Variants in ASIC2 observed in about 807,000 individuals in gnomAD.
ASIC2 encodes acid-sensing ion channel 2.
ASIC2 carries 25 observed loss-of-function variants against 57.3 expected under a neutral mutation model. That is an observed-to-expected ratio of 0.44 (90% CI 0.32 to 0.61). The LOEUF is 0.61. Ranked by LOEUF, ASIC2 falls within the 20% of genes least tolerant of loss-of-function variation. The pLI, the probability that ASIC2 is intolerant of heterozygous loss-of-function variation, is 0.06. For synonymous variants in ASIC2, 319 were observed against 307.5 expected (o/e 1.04, Z -0.39); for missense variants, 641 against 738.1 (o/e 0.87, Z 1.52).
At chr17:33,135,071 G>A (rs985471498) in intron 1 of ASIC2, among the ~76,000 whole-genome samples, 1 of 152,160 alleles carries the variant, frequency 6.6e-6, no homozygotes, top group Admixed American at 6.5e-5. Context: ...GACTTGCCCA[G>A]TCATATGCTA....
At chr17:33,023,566 CA>C (rs1719832141) in intron 6 of ASIC2, among the ~76,000 whole-genome samples, 1 of 152,044 alleles carries the variant, frequency 6.6e-6, no homozygotes, top group African/African-American at 2.4e-5. Context: ...GCTAACCCAT[CA>C]TTCTCTCCTT....
chr17:33,594,039 T>C (rs1255520873), intron 1 of ASIC2, among the ~76,000 whole-genome samples: 2 of 152,260 alleles, frequency 1.3e-5, no homozygotes, highest in African/African-American at 4.8e-5. Flanking sequence ...CTTTGGACAC[T>C]GTCCCATCAG....
At chr17:33,028,749 T>G (rs1251312242) in intron 3 of ASIC2, among the ~76,000 whole-genome samples, 1 of 152,158 alleles carries the variant, frequency 6.6e-6, no homozygotes, top group Non-Finnish European at 1.5e-5. Flanking sequence ...ACCCCCACCA[T>G]GTCTTCCCAC....
At chr17:33,069,356 T>G (rs888085182) in intron 3 of ASIC2, among the ~76,000 whole-genome samples, 5 of 152,202 alleles carry the variant, frequency 3.3e-5, no homozygotes, top group Admixed American at 6.5e-5. Context: ...GTCAACTTGG[T>G]TGAGAGTGTT....
intron 1 of ASIC2, among the ~76,000 whole-genome samples, chr17:33,742,716 A>G (rs1910147361): frequency 6.6e-6 from 1 of 152,216 alleles, no homozygotes; most frequent in South Asian, 2.1e-4. Flanking sequence ...CTCCCCAGGC[A>G]TAATGGGTTC....
chr17:33,890,362 G>A (rs145857790), intron 1 of ASIC2, among the ~76,000 whole-genome samples: 1 of 152,210 alleles, frequency 6.6e-6, no homozygotes, highest in East Asian at 1.9e-4. Flanking sequence ...TGGGTCATTT[G>A]CATTTCCTCA....
At chr17:33,119,906 C>T (rs555590091) in intron 1 of ASIC2, among the ~76,000 whole-genome samples, 1 of 152,178 alleles carries the variant, frequency 6.6e-6, no homozygotes, top group South Asian at 2.1e-4. Context: ...GCTACTTTTT[C>T]TGGGGAGAAA....
chr17:33,910,502 A>G (rs1190946974), intron 1 of ASIC2, among the ~76,000 whole-genome samples: 1 of 152,186 alleles, frequency 6.6e-6, no homozygotes, highest in African/African-American at 2.4e-5. Context: ...AGATGATGGA[A>G]ACATCTCATC....
At chr17:33,119,337 G>T (rs1202589903) in intron 1 of ASIC2, among the ~76,000 whole-genome samples, 2 of 152,170 alleles carry the variant, frequency 1.3e-5, no homozygotes, top group Admixed American at 6.5e-5. Context: ...GTGAGCTACT[G>T]AAATTTCTCA....
intron 1 of ASIC2, among the ~76,000 whole-genome samples, chr17:33,743,339 T>C (rs1910165737): frequency 6.6e-6 from 1 of 152,240 alleles, no homozygotes; most frequent in Admixed American, 6.5e-5. Flanking sequence ...CACTACCCAG[T>C]TCAGCTTGAT....
upstream of ASIC2, among the ~76,000 whole-genome samples, chr17:33,297,356 C>T (rs1432715527): frequency 6.6e-6 from 1 of 152,140 alleles, no homozygotes; most frequent in Non-Finnish European, 1.5e-5. Flanking sequence ...CCTGATATTT[C>T]TGCGGGTGGT....
rs566917166 is a variant in ASIC2 at position 33,097,574 on chromosome 17, G to A, written c.860-8584C>T. The stretch of plus-strand genomic sequence containing the variant: ...AGGGCCACATGGCACGTGGCAGGTG[G>A]GCAGTGGCTGGGATCCAGGTCTCTA... On this transcript the variant is annotated intron_variant, in intron 2 of 9. Coordinates refer to ENST00000225823, the MANE Select transcript of ASIC2 (RefSeq NM_183377.2). Among the ~76,000 whole-genome samples, 311 of 152,318 alleles carry A rather than the reference G, an allele frequency of 2.0e-3. 2 individuals carry two copies. The South Asian group carries it at 0.022, about 11-fold the overall frequency.
chr17:34,012,283 A>G (rs1906797891), intron 1 of ASIC2, among the ~76,000 whole-genome samples: 1 of 152,130 alleles, frequency 6.6e-6, no homozygotes, highest in Non-Finnish European at 1.5e-5. Flanking sequence ...CCCAAGCCAC[A>G]TTTAGACAGT....
chr17:33,197,908 G>A (rs1422568578), intron 1 of ASIC2, among the ~76,000 whole-genome samples: 3 of 152,164 alleles, frequency 2.0e-5, no homozygotes, highest in Non-Finnish European at 2.9e-5. Flanking sequence ...TTCAAAACTT[G>A]CAAATATTTA....
intron 2 of ASIC2, among the ~76,000 whole-genome samples, chr17:33,092,361 G>C (rs2092161051): frequency 6.6e-6 from 1 of 152,266 alleles, no homozygotes; most frequent in Non-Finnish European, 1.5e-5. Flanking sequence ...GCATGGCACA[G>C]TATTGAGTTG....
At chr17:33,701,432 T>A in intron 1 of ASIC2, among the ~76,000 whole-genome samples, 1 of 152,312 alleles carries the variant, frequency 6.6e-6, no homozygotes, top group Non-Finnish European at 1.5e-5. Flanking sequence ...AAGGAAATAA[T>A]TGTCTTCTAT....
chr17:33,943,481 A>G (rs1038777068), intron 1 of ASIC2, among the ~76,000 whole-genome samples: 2 of 152,202 alleles, frequency 1.3e-5, no homozygotes, highest in Admixed American at 6.5e-5. Flanking sequence ...TTTCATCCTC[A>G]AAACAACCTT....
chr17:33,834,880 A>T (rs1913226420), intron 1 of ASIC2, among the ~76,000 whole-genome samples: 1 of 152,168 alleles, frequency 6.6e-6, no homozygotes, highest in Admixed American at 6.5e-5. Flanking sequence ...TTGGCCAGGC[A>T]ATGGGGATTT....
intron 1 of ASIC2, among the ~76,000 whole-genome samples, chr17:33,462,150 A>G (rs539385631): frequency 2.6e-5 from 4 of 152,310 alleles, no homozygotes; most frequent in Admixed American, 6.5e-5. Context: ...AAGCCTTCCT[A>G]GCAAAGGTGA....
Sources: gnomAD v4.1 joint callset for allele counts (sites outside exome capture counted in the v4.1 genomes callset) on GRCh38, gnomAD v4.1.1 for gene constraint, MANE v1.5 for transcripts, NCBI Gene and HGNC (gene_info 2026-07-23, HGNC 2026-07-21) for gene names.